The following LUC7L2 variants were observed in gnomAD, a reference collection of about 807,000 sequenced individuals.
The protein encoded by LUC7L2 is LUC7 like 2, pre-mRNA splicing factor.
In LUC7L2, 25 loss-of-function variants were observed where a neutral mutation model predicts 52.8. That is an observed-to-expected ratio of 0.47 (90% confidence interval 0.34 to 0.66). LUC7L2 has a LOEUF of 0.66. Among genes scored for constraint, LUC7L2 ranks in the 30% least tolerant of loss-of-function variants. The pLI is 0.01. For synonymous variants in LUC7L2, 144 were observed against 160.9 expected (o/e 0.89, Z 0.80); for missense variants, 328 against 497.8 (o/e 0.66, Z 3.25).
intron 1 of LUC7L2, among the ~76,000 whole-genome samples, chr7:139,369,102 T>A (rs1391018911): frequency 6.6e-6 from 1 of 152,222 alleles, no homozygotes; most frequent in African/African-American, 2.4e-5. Context: ...AATCAGCCAG[T>A]TACTTTTTCT....
chr7:139,342,605 G>A (rs193037656), intron 1 of LUC7L2, among the ~76,000 whole-genome samples: 39 of 152,264 alleles, frequency 2.6e-4, no homozygotes, highest in Non-Finnish European at 4.7e-4. Flanking sequence ...ACAGGCAGGC[G>A]ACATGCGACA....
chr7:139,419,245 T>C (rs1795777385), intron 9 of LUC7L2, among the ~76,000 whole-genome samples: 1 of 152,154 alleles, frequency 6.6e-6, no homozygotes. Context: ...CTGCATATCA[T>C]AGAATAAATG....
chr7:139,374,583 C>T (rs1800613861), intron 1 of LUC7L2: 2 of 1,534,192 alleles, frequency 1.3e-6, no homozygotes, highest in African/African-American at 1.4e-5. Context: ...CAGGCGTAAA[C>T]ACTAAACTGA....
chr7:139,401,659 G>A (rs536077230), intron 3 of LUC7L2, among the ~76,000 whole-genome samples: 225 of 151,972 alleles, frequency 1.5e-3, no homozygotes, highest in Non-Finnish European at 2.3e-3. Context: ...CACCATGTTG[G>A]CCAGCGTAGT....
At chr7:139,375,205 C>CT in intron 1 of LUC7L2, 3 of 984,622 alleles carry the variant, frequency 3.0e-6, no homozygotes, top group Non-Finnish European at 3.6e-6. Flanking sequence ...AGTTACCTTT[C>CT]TTTTTCTTAG....
intron 1 of LUC7L2, among the ~76,000 whole-genome samples, chr7:139,353,309 AT>A (rs2131160367): frequency 6.6e-6 from 1 of 152,342 alleles, no homozygotes; most frequent in Non-Finnish European, 1.5e-5. Context: ...TAGTTCATAA[AT>A]TACAATAAAT....
In LUC7L2 at chr7:139,386,925, C is replaced by G. The variant is rs1371616808; in HGVS notation, c.156+10769C>G. ...CTTGATTTTAGCTCACTGCAGCCTCCTCCTTCTGGGTTCAAGCGATTCTCC... is the reference window on the plus strand; with the variant it reads ...CTTGATTTTAGCTCACTGCAGCCTCGTCCTTCTGGGTTCAAGCGATTCTCC... On this transcript the variant is annotated intron_variant, in intron 2 of 9. Transcript: ENST00000354926. Among the ~76,000 whole-genome samples the G allele has an allele frequency of 1.3e-5, 2 of 152,106 alleles. 1 individual carries two copies. The highest frequency in any genetic ancestry group is 4.8e-5 in the African/African-American group (2 of 41,410).
chr7:139,345,366 C>T, intron 1 of LUC7L2: 1 of 1,333,696 alleles, frequency 7.5e-7, no homozygotes. Context: ...ATTAAGTATA[C>T]ATGTATATAC....
rs1420203818 is a variant in LUC7L2, at chr7:139,419,391, TGAG to T, written c.1001+1667_1001+1669del. On this transcript the variant is annotated intron_variant, in intron 9 of 9. Transcript: ENST00000354926. ...GAATATCCTAGGCAAATGCAGAGAA[TGAG>T]GAGGGAGTTTGTAAAGGACAGAGTG... is the stretch of plus-strand genomic sequence containing the variant. Among the ~76,000 whole-genome samples the T allele has an allele frequency of 2.6e-5, 4 of 152,254 alleles. No individual in the cohort carries two copies. The East Asian group carries it at 5.8e-4, about 22-fold the overall frequency.
chr7:139,358,363 G>C (rs2131168577), upstream of LUC7L2, among the ~76,000 whole-genome samples: 1 of 152,250 alleles, frequency 6.6e-6, no homozygotes, highest in Middle Eastern at 3.4e-3. Flanking sequence ...GTTTTTTATT[G>C]ATCTGCTAAT....
chr7:139,341,243 C>G, intron 1 of LUC7L2: 1 of 1,404,702 alleles, frequency 7.1e-7, no homozygotes, highest in Non-Finnish European at 9.4e-7. Flanking sequence ...GGTCAACGGA[C>G]AAGTGAGCGG....
intron 1 of LUC7L2, chr7:139,344,878 T>TC (rs1220148086): frequency 6.7e-6 from 1 of 150,360 alleles, no homozygotes; most frequent in African/African-American, 2.5e-5. Context: ...AATTTTTTTT[T>TC]TTTTTTTTGG....
At chr7:139,341,440 G>C (rs139756425) in intron 1 of LUC7L2, 24 of 1,613,414 alleles carry the variant, frequency 1.5e-5, no homozygotes, top group Non-Finnish European at 2.0e-5. Flanking sequence ...CGGGAGTTGC[G>C]CTACCTGAGC....
At chr7:139,363,367 C>A in intron 1 of LUC7L2, 1 of 421,146 alleles carries the variant, frequency 2.4e-6, no homozygotes, top group Non-Finnish European at 3.2e-6. Flanking sequence ...TCTGATAAGG[C>A]ATCATGGGCT....
intron 1 of LUC7L2, among the ~76,000 whole-genome samples, chr7:139,349,458 C>T (rs1381106608): frequency 6.6e-6 from 1 of 152,106 alleles, no homozygotes; most frequent in African/African-American, 2.4e-5. Flanking sequence ...GATTCTAGAA[C>T]ACAAACTATA....
chr7:139,396,736 C>T (rs1357567743), intron 2 of LUC7L2, among the ~76,000 whole-genome samples: 1 of 152,098 alleles, frequency 6.6e-6, no homozygotes, highest in Non-Finnish European at 1.5e-5. Context: ...GTAGAGAGTT[C>T]CTACTTTGTT....
chr7:139,414,419 G>A (rs1233425304), intron 8 of LUC7L2, among the ~76,000 whole-genome samples: 1 of 152,246 alleles, frequency 6.6e-6, no homozygotes, highest in African/African-American at 2.4e-5. Context: ...TTACAAATTT[G>A]TGTTGGGCTG....
intron 8 of LUC7L2, among the ~76,000 whole-genome samples, chr7:139,415,247 A>G (rs929991555): frequency 6.7e-6 from 1 of 150,090 alleles, no homozygotes; most frequent in African/African-American, 2.5e-5. Flanking sequence ...CACCTGACAT[A>G]TCTTTATTTA....
intron 7 of LUC7L2, 126 bp downstream of exon 7, chr7:139,409,780 A>G: frequency 7.5e-7 from 1 of 1,334,366 alleles, no homozygotes; most frequent in South Asian, 1.9e-5. Flanking sequence ...GCTTACTTTA[A>G]AAAATATTAC....
Sources: allele counts gnomAD v4.1 joint callset (sites outside exome capture counted in the v4.1 genomes callset), GRCh38; gene constraint gnomAD v4.1.1; transcripts MANE v1.5; gene names NCBI Gene and HGNC (gene_info 2026-07-23, HGNC 2026-07-21).